SLC1A1: variants seen among roughly 807,000 people sequenced by gnomAD.
The protein encoded by SLC1A1 is excitatory amino acid transporter 3.
A neutral mutation model predicts 53.3 loss-of-function variants in SLC1A1; 43 were observed. The observed-to-expected ratio is 0.81, with a 90% confidence interval of 0.63 to 1.04. The LOEUF (loss-of-function observed/expected upper bound fraction) is 1.04, where lower values mean the gene tolerates loss of function less well. Ranked by LOEUF, SLC1A1 falls within the 50% of genes least tolerant of loss-of-function variation. The probability of loss-of-function intolerance (pLI) is 0.00; values close to 1 mark genes in which losing one functional copy is unlikely to be tolerated. For synonymous variants in SLC1A1, 307 were observed against 243.2 expected (o/e 1.26, Z -2.44); for missense variants, 748 against 664.9 (o/e 1.12, Z -1.37).
intron 8 of SLC1A1, among the ~76,000 whole-genome samples, chr9:4,575,753 G>C (rs1820486576): frequency 1.3e-5 from 2 of 152,144 alleles, no homozygotes; most frequent in African/African-American, 4.8e-5. Flanking sequence ...ATTCTGTTCT[G>C]TGAAGCCTTG....
Position 4,569,338 on chromosome 9 carries a change from A to T in SLC1A1, c.582+1571A>T, listed in dbSNP as rs1201326959. Among the ~76,000 whole-genome samples the T allele has an allele frequency of 3.3e-5, 5 of 152,330 alleles. No individual in the cohort carries two copies. In the East Asian group the frequency reaches 9.6e-4, roughly 29 times the overall value. ...CAACATGCCAGAATCAACCACATCA[A>T]TGTTTTTATAACAAACTCATAAATA... On this transcript the variant is annotated intron_variant, in intron 6 of 11. Coordinates refer to ENST00000262352, the MANE Select transcript of SLC1A1 (RefSeq NM_004170.6).
At chr9:4,532,220 T>G (rs572529010) in intron 1 of SLC1A1, among the ~76,000 whole-genome samples, 1 of 152,004 alleles carries the variant, frequency 6.6e-6, no homozygotes, top group African/African-American at 2.4e-5. Flanking sequence ...GAGAATGACG[T>G]TGACGAGTTG....
At chr9:4,504,287 T>C (rs1322629020) in intron 1 of SLC1A1, among the ~76,000 whole-genome samples, 1 of 152,178 alleles carries the variant, frequency 6.6e-6, no homozygotes, top group Non-Finnish European at 1.5e-5. Context: ...TCTTACACCA[T>C]TCATTGAATT....
At chr9:4,532,903 A>C (rs1470787358) in intron 1 of SLC1A1, among the ~76,000 whole-genome samples, 1 of 152,208 alleles carries the variant, frequency 6.6e-6, no homozygotes, top group Non-Finnish European at 1.5e-5. Flanking sequence ...AGTGGGGGCC[A>C]ATATGCAACA....
chr9:4,577,971 C>A (rs141861130), intron 10 of SLC1A1, among the ~76,000 whole-genome samples: 2 of 152,084 alleles, frequency 1.3e-5, no homozygotes, highest in African/African-American at 4.8e-5. Flanking sequence ...GAGGGAATGC[C>A]AGGATGACTC....
intron 1 of SLC1A1, among the ~76,000 whole-genome samples, chr9:4,496,474 C>T (rs1239942050): frequency 6.6e-6 from 1 of 152,072 alleles, no homozygotes; most frequent in African/African-American, 2.4e-5. Flanking sequence ...CCTGCCTCAG[C>T]CTCCCAAAGT....
chr9:4,490,627 C>T lies in SLC1A1; in HGVS notation c.-53C>T. ...GCCGAGCAGCCAGCAGTCCCCGGGT[C>T]GCCCAGCCCACGCGCGCACGGCCGA... On this transcript the variant is annotated 5_prime_UTR_variant, in exon 1 of 12. Transcript: ENST00000262352. 2 of 1,470,256 alleles carry T rather than the reference C, an allele frequency of 1.4e-6. No individual in the cohort carries two copies. The highest frequency in any genetic ancestry group is 1.4e-5 in the African/African-American group (1 of 71,804). The allele number at this position is 1,470,256 out of a possible 1,614,324, so 91.1% of individuals were successfully genotyped here. A position where few individuals can be genotyped will look rare whatever the true frequency, so the allele number is the denominator to read the frequency against.
chr9:4,564,348 T>C lies in SLC1A1; in HGVS notation c.330T>C (p.Ile110=), dbSNP rs764272734. The change falls in exon 4 of 12, where the codon ATT becomes ATC. Residue 110 remains isoleucine, a synonymous_variant. Transcript: ENST00000262352. ...GGACGCTGTTCTTGGCCACAGGTATTGTGCTGGTGGTGAGCATCAAGCCTG... is the reference window on the plus strand; with the variant it reads ...GGACGCTGTTCTTGGCCACAGGTATCGTGCTGGTGGTGAGCATCAAGCCTG... The part of the protein sequence containing the change: ...CTTLIAVILG[I]VLVVSIKPGV... 17 of 1,611,508 alleles carry C rather than the reference T, an allele frequency of 1.1e-5. No individual in the cohort carries two copies. The highest frequency in any genetic ancestry group is 1.7e-4 in the Middle Eastern group (1 of 5,990).
At chr9:4,526,787 G>A (rs1472071615) in intron 1 of SLC1A1, among the ~76,000 whole-genome samples, 1 of 151,872 alleles carries the variant, frequency 6.6e-6, no homozygotes, top group Non-Finnish European at 1.5e-5. Flanking sequence ...TTGTAGTAAG[G>A]GATCTACAAT....
intron 1 of SLC1A1, among the ~76,000 whole-genome samples, chr9:4,507,429 A>C (rs1417198231): frequency 1.3e-5 from 2 of 152,152 alleles, no homozygotes; most frequent in African/African-American, 4.8e-5. Context: ...TACTTTTTGA[A>C]ATCATGAAGT....
At position 4,556,761 on chromosome 9, in the gene SLC1A1, GT is replaced by G. The variant is rs1818434106; in HGVS notation, c.233-4683del. On this transcript the variant is annotated intron_variant, in intron 2 of 11. Coordinates refer to ENST00000262352, the MANE Select transcript of SLC1A1 (RefSeq NM_004170.6). This position sits in a 1 kb window ranked among gnomAD's most constrained non-coding sequence, Gnocchi z 4.1. ...TATCGTCCCCAAGGCAGCAAAAGCT[GT>G]TTTTATTTGGTGGTGGTGAGTTGGG... is the stretch of plus-strand genomic sequence containing the variant. 6.6e-6 allele frequency among the ~76,000 whole-genome samples: 1 copy of G among 152,120 alleles called. No homozygotes were observed. Among genetic ancestry groups the G allele is most frequent in the Non-Finnish European group, 1.5e-5 (1 of 68,022 alleles).
intron 6 of SLC1A1, among the ~76,000 whole-genome samples, chr9:4,569,659 C>T (rs533765032): frequency 2.6e-5 from 4 of 152,278 alleles, no homozygotes; most frequent in Middle Eastern, 3.4e-3. Context: ...ACCGTTGGCT[C>T]CCTGCTTCCT....
intron 1 of SLC1A1, among the ~76,000 whole-genome samples, chr9:4,498,913 C>T (rs903019203): frequency 9.7e-5 from 14 of 144,794 alleles, no homozygotes; most frequent in Admixed American, 8.4e-4. Context: ...TACATGTATA[C>T]ATACATATAC....
At chr9:4,568,649 T>C (rs1310511476) in intron 6 of SLC1A1, among the ~76,000 whole-genome samples, 4 of 151,038 alleles carry the variant, frequency 2.6e-5, no homozygotes, top group African/African-American at 9.8e-5. Context: ...TGAGCTATGA[T>C]TGCACCACTG....
chr9:4,536,267 A>G (rs1816669312), intron 1 of SLC1A1, among the ~76,000 whole-genome samples: 1 of 152,150 alleles, frequency 6.6e-6, no homozygotes, highest in Non-Finnish European at 1.5e-5. Flanking sequence ...AACCTACAGA[A>G]TGGGAGAAAA....
At chr9:4,565,612 C>T (rs1819410575) in intron 4 of SLC1A1, among the ~76,000 whole-genome samples, 1 of 152,154 alleles carries the variant, frequency 6.6e-6, no homozygotes, top group South Asian at 2.1e-4. Context: ...AGAAACCACC[C>T]CCCATGATCC....
intron 1 of SLC1A1, among the ~76,000 whole-genome samples, chr9:4,515,798 C>T (rs1440926468): frequency 1.3e-5 from 2 of 152,152 alleles, no homozygotes; most frequent in African/African-American, 2.4e-5. Context: ...TCCTCTTCCA[C>T]CTCTCACAGC....
At chr9:4,583,000 A>G in intron 10 of SLC1A1, 38 bp from the exon 11 acceptor site, 1 of 1,613,822 alleles carries the variant, frequency 6.2e-7, no homozygotes, top group Non-Finnish European at 8.5e-7. Context: ...CGGGAGAGGT[A>G]AGTGTCTAAC....
intron 1 of SLC1A1, among the ~76,000 whole-genome samples, chr9:4,528,341 G>T (rs962227365): frequency 3.3e-5 from 5 of 152,192 alleles, no homozygotes; most frequent in Non-Finnish European, 7.3e-5. Context: ...GGGAGGCCGA[G>T]GCAGGCAGAT....
Sources: gnomAD v4.1 joint callset for allele counts (sites outside exome capture counted in the v4.1 genomes callset) on GRCh38, gnomAD v4.1.1 for gene constraint, Gnocchi (gnomAD v3.1) non-coding constraint, MANE v1.5 for transcripts, NCBI Gene and HGNC (gene_info 2026-07-23, HGNC 2026-07-21) for gene names.